The following LAYN variants were observed in gnomAD, a reference collection of about 807,000 sequenced individuals.
LAYN encodes the protein layilin.
A neutral mutation model predicts 43.6 loss-of-function variants in LAYN; 38 were observed. The ratio of observed to expected loss-of-function variants is 0.87; its 90% CI spans 0.67 to 1.14. The LOEUF (loss-of-function observed/expected upper bound fraction) is 1.14, where lower values mean the gene tolerates loss of function less well. Among genes scored for constraint, LAYN ranks in the 50% most tolerant of loss-of-function variants. The pLI is 0.00. For synonymous variants in LAYN, 168 were observed against 172.9 expected (o/e 0.97, Z 0.22); for missense variants, 479 against 463.8 (o/e 1.03, Z -0.30).
chr11:111,540,929 G>A lies in LAYN; in HGVS notation c.85+1G>A, dbSNP rs1404546355. On this transcript the variant is annotated splice_donor_variant, in intron 1 of 6. Coordinates refer to ENST00000375614, the MANE Select transcript of LAYN (RefSeq NM_178834.5). LOFTEE classifies it high-confidence loss of function. ...GCCGCGACGGGTCGCCTGCTGAGTG[G>A]TGAGTGCGCGCGCTGGGGCGGGGGC... 3 of 1,531,136 alleles carry A rather than the reference G, an allele frequency of 2.0e-6. No homozygotes were observed. Among genetic ancestry groups the A allele is most frequent in the South Asian group, 2.4e-5 (2 of 83,766 alleles). 94.8% of individuals were successfully genotyped at this position (1,531,136 alleles called of 1,614,324 possible).
intron 3 of LAYN, among the ~76,000 whole-genome samples, chr11:111,550,069 T>C (rs1364829521): frequency 6.6e-6 from 1 of 152,246 alleles, no homozygotes; most frequent in Non-Finnish European, 1.5e-5. Context: ...ATAAGCCCTT[T>C]AAGTGGACAG....
At chr11:111,543,034 A>C (rs1466733195) in intron 1 of LAYN, among the ~76,000 whole-genome samples, 1 of 152,210 alleles carries the variant, frequency 6.6e-6, no homozygotes, top group African/African-American at 2.4e-5. Flanking sequence ...TTCAGGGGAC[A>C]GACTGATAAG....
At chr11:111,545,055 A>AATATATATATATATATATATAT (rs36063658) in intron 2 of LAYN, among the ~76,000 whole-genome samples, 1 of 82,464 alleles carries the variant, frequency 1.2e-5, no homozygotes, top group African/African-American at 3.2e-5. Flanking sequence ...AAATTTAACA[A>AATATATATATATATATATATAT]ATATATATAT....
At chr11:111,543,269 T>C (rs1867580686) in intron 1 of LAYN, among the ~76,000 whole-genome samples, 1 of 152,234 alleles carries the variant, frequency 6.6e-6, no homozygotes, top group African/African-American at 2.4e-5. Flanking sequence ...GGGACTATTA[T>C]GAGGGTTACA....
intron 4 of LAYN, among the ~76,000 whole-genome samples, 154 bp downstream of exon 4, chr11:111,554,747 C>T (rs193275826): frequency 5.3e-5 from 8 of 152,296 alleles, no homozygotes; most frequent in African/African-American, 1.9e-4. Context: ...CACACCCAGC[C>T]ATGACAGCTA....
Position 111,560,129 on chromosome 11 carries a change from C to T in LAYN, c.796C>T (p.Gln266Ter). ...GCAGCCAGACCCTAGCACAAAGAAGCAACACACCATCTGGCCCTCTCCTCA... is the reference window on the plus strand; with the variant it reads ...GCAGCCAGACCCTAGCACAAAGAAGTAACACACCATCTGGCCCTCTCCTCA... The part of the protein sequence containing the change: ...REQPDPSTKK[Q>*]HTIWPSPHQG... Residue 266 changes from glutamine (Q) to a stop codon, truncating the protein, a stop_gained, in exon 7 of 7, where the codon CAA becomes TAA. Coordinates refer to ENST00000375614, the MANE Select transcript of LAYN (RefSeq NM_178834.5). LOFTEE classifies it high-confidence loss of function. 1 of 1,613,462 alleles carries T rather than the reference C, an allele frequency of 6.2e-7. No homozygotes were observed. The highest frequency in any genetic ancestry group is 8.5e-7 in the Non-Finnish European group (1 of 1,179,548).
At chr11:111,554,483 C>G (rs1475766038) in intron 3 of LAYN, 78 bp from the exon 4 acceptor site, 8 of 1,085,388 alleles carry the variant, frequency 7.4e-6, no homozygotes, top group Non-Finnish European at 1.1e-5. Flanking sequence ...AAATGGATGC[C>G]ATGAGGCTGT....
chr11:111,541,379 C>A, intron 1 of LAYN: 3 of 638,782 alleles, frequency 4.7e-6, no homozygotes, highest in South Asian at 3.7e-5. Flanking sequence ...GATGCTGGAT[C>A]CCCGGTGCCG....
At chr11:111,553,860 C>T (rs1340615596) in intron 3 of LAYN, among the ~76,000 whole-genome samples, 1 of 152,058 alleles carries the variant, frequency 6.6e-6, no homozygotes, top group African/African-American at 2.4e-5. Flanking sequence ...CCCTTAAAGA[C>T]CCTGTCCCTA....
rs1162291881 is a variant in LAYN, at chr11:111,555,291, G to T, written c.658+1G>T. The T allele has an allele frequency of 1.2e-6, 2 of 1,603,794 alleles. No individual in the cohort carries two copies. Among genetic ancestry groups the T allele is most frequent in the Admixed American group, 1.7e-5 (1 of 59,952 alleles). On this transcript the variant is annotated splice_donor_variant, in intron 5 of 6. Transcript: ENST00000375614. LOFTEE classifies it high-confidence loss of function. The stretch of plus-strand genomic sequence containing the variant: ...AAAAAAACATTTAAAGAAAGTAGAG[G>T]TATCTACAAAACTCTCCTGGGAAAG...
At chr11:111,551,774 G>A (rs1000114802) in intron 3 of LAYN, among the ~76,000 whole-genome samples, 1 of 152,144 alleles carries the variant, frequency 6.6e-6, no homozygotes, top group Non-Finnish European at 1.5e-5. Context: ...TCCTGAACAT[G>A]ATGTGATGAT....
intron 5 of LAYN, among the ~76,000 whole-genome samples, chr11:111,556,852 A>G (rs1008441870): frequency 6.6e-6 from 1 of 152,132 alleles, no homozygotes; most frequent in African/African-American, 2.4e-5. Flanking sequence ...ACTTGAGGGG[A>G]ACATCTTTGG....
At position 111,558,776 on chromosome 11, in the gene LAYN, T is replaced by TAA. The variant is rs1203846646; in HGVS notation, c.761+1133_761+1134insAA. Among the ~76,000 whole-genome samples the TAA allele has an allele frequency of 6.2e-4, 16 of 25,764 alleles. No individual in the cohort carries two copies. In the East Asian group the frequency reaches 0.014, roughly 22 times the overall value. The allele number at this position is 25,764 out of a possible 152,430, so 16.9% of individuals were successfully genotyped here. On this transcript the variant is annotated intron_variant, in intron 6 of 6. Coordinates refer to ENST00000375614, the MANE Select transcript of LAYN (RefSeq NM_178834.5). ...TATTTTATTTTATTTATTATTTTAT[T>TAA]TAAAAAAATATATATATATATATAT...
chr11:111,560,494 A>G lies in LAYN; in HGVS notation c.*36A>G, dbSNP rs1215281349. ...AAACTGAAACTGACAACAATGGAAA[A>G]GAAATGATAAGCAAAATCCTCTTAT... is the stretch of plus-strand genomic sequence containing the variant. On this transcript the variant is annotated 3_prime_UTR_variant, in exon 7 of 7. Transcript: ENST00000375614. The G allele has an allele frequency of 1.3e-6, 2 of 1,570,066 alleles. No homozygotes were observed. Among genetic ancestry groups the G allele is most frequent in the African/African-American group, 2.7e-5 (2 of 73,160 alleles).
intron 2 of LAYN, among the ~76,000 whole-genome samples, chr11:111,545,074 A>ATATATATATATATATATATATATTTT (rs1170875315): frequency 6.1e-5 from 9 of 148,384 alleles, no homozygotes; most frequent in African/African-American, 2.3e-4. Flanking sequence ...ATATATATAT[A>ATATATATATATATATATATATATTTT]TTTTTTACCT....
In LAYN at chr11:111,544,140, G is replaced by A; in HGVS notation, c.303G>A (p.Arg101=). 1 of 1,614,202 alleles carries A rather than the reference G, an allele frequency of 6.2e-7. No individual in the cohort carries two copies. The highest frequency in any genetic ancestry group is 8.5e-7 in the Non-Finnish European group (1 of 1,180,038). The change falls in exon 2 of 7, where the codon AGG becomes AGA. Residue 101 remains arginine, a synonymous_variant. Coordinates refer to ENST00000375614, the MANE Select transcript of LAYN (RefSeq NM_178834.5). ...ATGGTGACTTCTGGATTGGGCTCAG[G>A]AGGCGTGAGGAGAAACAAAGCAATA... ...PSDGDFWIGL[R]RREEKQSNST...
intron 2 of LAYN, among the ~76,000 whole-genome samples, chr11:111,546,470 C>T (rs935090385): frequency 5.3e-5 from 8 of 152,222 alleles, no homozygotes; most frequent in Non-Finnish European, 1.0e-4. Context: ...AGTGAAACTG[C>T]AGTGCAGCTG....
intron 3 of LAYN, among the ~76,000 whole-genome samples, chr11:111,550,974 A>C (rs1867732938): frequency 6.6e-6 from 1 of 152,212 alleles, no homozygotes; most frequent in Non-Finnish European, 1.5e-5. Flanking sequence ...TATATTAGTC[A>C]CACTAAGTCC....
intron 1 of LAYN, among the ~76,000 whole-genome samples, chr11:111,542,937 G>A (rs896378904): frequency 8.5e-5 from 13 of 152,328 alleles, no homozygotes; most frequent in African/African-American, 3.1e-4. Flanking sequence ...TCACACAGAC[G>A]CAAGCTAGAG....
Sources: allele counts gnomAD v4.1 joint callset (sites outside exome capture counted in the v4.1 genomes callset), GRCh38; gene constraint gnomAD v4.1.1; transcripts MANE v1.5; gene names NCBI Gene and HGNC (gene_info 2026-07-23, HGNC 2026-07-21).